Variants in PRDM10 observed in about 807,000 individuals in gnomAD.
The protein encoded by PRDM10 is PR/SET domain 10.
PRDM10 carries 65 observed loss-of-function variants against 133.1 expected under a neutral mutation model. The observed-to-expected ratio is 0.49, with a 90% confidence interval of 0.40 to 0.60. The LOEUF (loss-of-function observed/expected upper bound fraction) is 0.60. Among genes scored for constraint, PRDM10 ranks in the 20% least tolerant of loss-of-function variants. PRDM10 has a pLI of 0.00. For missense variants in PRDM10, 1,137 were observed against 1,507.1 expected, an observed-to-expected ratio of 0.75 and a Z score of 4.07; for synonymous variants, 582 against 580.4, an observed-to-expected ratio of 1.00 and a Z score of -0.04.
At chr11:129,960,413 G>A (rs988180195) in intron 2 of PRDM10, among the ~76,000 whole-genome samples, 1 of 152,164 alleles carries the variant, frequency 6.6e-6, no homozygotes, top group African/African-American at 2.4e-5. Flanking sequence ...ATCGATGACA[G>A]CAGCATTTGG....
intron 4 of PRDM10, among the ~76,000 whole-genome samples, chr11:129,952,175 A>G (rs754478771): frequency 3.8e-4 from 58 of 152,336 alleles, no homozygotes; most frequent in Non-Finnish European, 7.3e-4. Context: ...AAACAAGCAG[A>G]TTGTTTCTGG....
chr11:129,971,792 C>T (rs1182527284), intron 1 of PRDM10, among the ~76,000 whole-genome samples: 1 of 152,256 alleles, frequency 6.6e-6, no homozygotes, highest in South Asian at 2.1e-4. Flanking sequence ...CGCACCGGGG[C>T]TGCAGGTGGA....
intron 12 of PRDM10, 105 bp downstream of exon 12, chr11:129,924,774 AAAG>A (rs1387580711): frequency 6.3e-5 from 60 of 952,240 alleles, no homozygotes; most frequent in Non-Finnish European, 9.6e-5. Flanking sequence ...AAGTTGTTTC[AAAG>A]AAGGGATGGA....
intron 4 of PRDM10, among the ~76,000 whole-genome samples, chr11:129,954,003 G>A (rs1951646380): frequency 6.7e-6 from 1 of 149,040 alleles, no homozygotes; most frequent in Non-Finnish European, 1.5e-5. Flanking sequence ...ATATACCTAA[G>A]TATTATAAAA....
intron 17 of PRDM10, among the ~76,000 whole-genome samples, chr11:129,914,152 C>T (rs1239687780): frequency 2.6e-5 from 4 of 152,178 alleles, no homozygotes; most frequent in Non-Finnish European, 5.9e-5. Flanking sequence ...CAGGCATCCG[C>T]CACCATGCCC....
At chr11:129,930,976 G>T in intron 11 of PRDM10, 40 bp downstream of exon 11, 1 of 1,560,358 alleles carries the variant, frequency 6.4e-7, no homozygotes, top group South Asian at 1.2e-5. Flanking sequence ...GGAGGAAGAT[G>T]AGCGGCTGGT....
intron 1 of PRDM10, among the ~76,000 whole-genome samples, chr11:130,000,137 G>A (rs7118810): frequency 0.094 from 14,048 of 150,068 alleles, 768 homozygotes; most frequent in Admixed American, 0.16. Flanking sequence ...TCTGCCTCCC[G>A]GGTTCAAGTG....
intron 8 of PRDM10, among the ~76,000 whole-genome samples, chr11:129,936,599 GC>G (rs753241717): frequency 2.6e-5 from 4 of 152,028 alleles, no homozygotes; most frequent in Non-Finnish European, 5.9e-5. Flanking sequence ...CTTGCAGTGA[GC>G]CGAGATCACG....
At chr11:129,966,031 G>T (rs1025488177) in intron 1 of PRDM10, among the ~76,000 whole-genome samples, 3 of 152,032 alleles carry the variant, frequency 2.0e-5, no homozygotes, top group Non-Finnish European at 4.4e-5. Context: ...ATCACTTGAG[G>T]TCAGGAGTTC....
At chr11:129,937,741 C>A (rs1171536789) in intron 7 of PRDM10, 71 bp from the exon 8 acceptor site, 1 of 1,371,532 alleles carries the variant, frequency 7.3e-7, no homozygotes, top group East Asian at 2.4e-5. Context: ...TAAATTATTT[C>A]TCCTGCTTAC....
intron 1 of PRDM10, among the ~76,000 whole-genome samples, chr11:129,987,365 G>C (rs1938485193): frequency 6.6e-6 from 1 of 152,078 alleles, no homozygotes; most frequent in Non-Finnish European, 1.5e-5. Context: ...TCAAAATTCT[G>C]ATATGGCAAC....
At chr11:129,952,288 T>G (rs58246032) in intron 4 of PRDM10, among the ~76,000 whole-genome samples, 11,192 of 152,202 alleles carry the variant, frequency 0.074, 544 homozygotes, top group Admixed American at 0.12. Flanking sequence ...CCTATCGGAT[T>G]GGCAAAATTT....
intron 1 of PRDM10, among the ~76,000 whole-genome samples, chr11:129,970,517 A>G (rs1951996597): frequency 6.6e-6 from 1 of 151,898 alleles, no homozygotes; most frequent in Non-Finnish European, 1.5e-5. Context: ...TGACTCCACT[A>G]ATGAACCATG....
rs760426995 is a variant in PRDM10, at chr11:129,914,629, G to T, written c.2841+75C>A. 6 of 1,578,654 alleles carry T rather than the reference G, an allele frequency of 3.8e-6. No individual in the cohort carries two copies. The African/African-American group carries it at 8.1e-5, about 21-fold the overall frequency. ...GCAGAAGGACATTACATAGATCCCAGCCCCAGCTCTGAGAATGAGGTGCTA... is the reference window on the plus strand; with the variant it reads ...GCAGAAGGACATTACATAGATCCCATCCCCAGCTCTGAGAATGAGGTGCTA... On this transcript the variant is annotated intron_variant, in intron 17 of 20. Coordinates refer to ENST00000360871, the MANE Select transcript of PRDM10 (RefSeq NM_199437.2).
intron 1 of PRDM10, among the ~76,000 whole-genome samples, chr11:129,995,935 G>C (rs1376333085): frequency 1.3e-5 from 2 of 151,230 alleles, no homozygotes; most frequent in African/African-American, 2.4e-5. Context: ...AACAGAGCGG[G>C]ACTCTGTCTC....
chr11:129,915,506 GCT>G (rs1456562687), intron 16 of PRDM10, among the ~76,000 whole-genome samples, 152 bp downstream of exon 16: 1 of 152,192 alleles, frequency 6.6e-6, no homozygotes, highest in African/African-American at 2.4e-5. Flanking sequence ...TCTCTGCTGT[GCT>G]CTCTGTTTAC....
At chr11:129,963,148 C>CAA (rs199907787) in intron 1 of PRDM10, among the ~76,000 whole-genome samples, 11 of 125,096 alleles carry the variant, frequency 8.8e-5, no homozygotes, top group Non-Finnish European at 1.4e-4. Context: ...GACTCTATCT[C>CAA]AAAAAAAAAA....
At chr11:130,001,194 T>TA (rs373772488) in intron 1 of PRDM10, among the ~76,000 whole-genome samples, 10,568 of 151,646 alleles carry the variant, frequency 0.07, 463 homozygotes, top group Admixed American at 0.14. Context: ...ATCCTAATTT[T>TA]AAAAAAAAAT....
chr11:129,949,745 A>C (rs1274480984), intron 4 of PRDM10, among the ~76,000 whole-genome samples: 1 of 152,008 alleles, frequency 6.6e-6, no homozygotes, highest in Non-Finnish European at 1.5e-5. Context: ...AGCCTGGCCA[A>C]CATGGTGAAA....
Sources: allele counts gnomAD v4.1 joint callset (sites outside exome capture counted in the v4.1 genomes callset), GRCh38; gene constraint gnomAD v4.1.1; transcripts MANE v1.5; gene names NCBI Gene and HGNC (gene_info 2026-07-23, HGNC 2026-07-21).